The following HECW2 variants were observed in gnomAD, a reference collection of about 807,000 sequenced individuals.
The protein encoded by HECW2 is HECT, C2 and WW domain containing E3 ubiquitin protein ligase 2.
HECW2 carries 61 observed loss-of-function variants against 175.2 expected under a neutral mutation model. That is an observed-to-expected ratio of 0.35 (90% confidence interval 0.28 to 0.43). The LOEUF (loss-of-function observed/expected upper bound fraction) is 0.43. HECW2 is among the 20% of genes least tolerant of loss of function. The pLI, the probability that HECW2 is intolerant of heterozygous loss-of-function variation, is 1.00. For missense variants in HECW2, 1,524 were observed against 2,000.5 expected (o/e 0.76, Z 4.54); for synonymous variants, 671 against 731.0 (o/e 0.92, Z 1.32).
intron 21 of HECW2, among the ~76,000 whole-genome samples, 162 bp from the exon 22 acceptor site, chr2:196,228,416 CATT>C (rs1687930191): frequency 6.6e-6 from 1 of 152,180 alleles, no homozygotes; most frequent in African/African-American, 2.4e-5. Flanking sequence ...TTTCTGATCT[CATT>C]GTGTCTTGAC....
intron 1 of HECW2, among the ~76,000 whole-genome samples, chr2:196,586,319 G>C (rs1037907253): frequency 3.0e-4 from 45 of 152,210 alleles, no homozygotes; most frequent in African/African-American, 1.1e-3. Context: ...ATATGACTTA[G>C]GTATACCACT....
chr2:196,251,526 T>A (rs1041989069), intron 19 of HECW2, among the ~76,000 whole-genome samples: 1 of 152,164 alleles, frequency 6.6e-6, no homozygotes, highest in Admixed American at 6.5e-5. Context: ...CAATAAAACT[T>A]GTCCAACACC....
At chr2:196,333,503 AT>A (rs1462013147) in intron 4 of HECW2, among the ~76,000 whole-genome samples, 1 of 152,210 alleles carries the variant, frequency 6.6e-6, no homozygotes, top group Non-Finnish European at 1.5e-5. Flanking sequence ...GCATCTATAA[AT>A]GTGTATATAC....
intron 1 of HECW2, among the ~76,000 whole-genome samples, chr2:196,500,276 G>A (rs896275223): frequency 1.3e-5 from 2 of 152,078 alleles, no homozygotes; most frequent in Non-Finnish European, 1.5e-5. Flanking sequence ...TTATGGGAGG[G>A]GAGGGAAAGA....
At chr2:196,292,860 ATAAGC>A in intron 13 of HECW2, 110 bp from the exon 14 acceptor site, 1 of 830,378 alleles carries the variant, frequency 1.2e-6, no homozygotes. Flanking sequence ...AAATGCATAT[ATAAGC>A]TTTGACAGAA....
chr2:196,486,019 A>T (rs755675294), intron 1 of HECW2, among the ~76,000 whole-genome samples: 1 of 152,154 alleles, frequency 6.6e-6, no homozygotes, highest in Non-Finnish European at 1.5e-5. Context: ...ACCAATACCA[A>T]ATATGGCACC....
chr2:196,222,069 A>G, intron 24 of HECW2, 142 bp downstream of exon 24: 1 of 628,856 alleles, frequency 1.6e-6, no homozygotes, highest in South Asian at 2.7e-5. Flanking sequence ...TGCGGTTATT[A>G]TAACTGTGTG....
chr2:196,416,710 A>G (rs906793976), intron 2 of HECW2, among the ~76,000 whole-genome samples: 4 of 152,198 alleles, frequency 2.6e-5, no homozygotes, highest in East Asian at 1.9e-4. Flanking sequence ...GAAATATACA[A>G]TTCTTCCAAG....
chr2:196,357,703 G>A (rs969460409), intron 2 of HECW2, among the ~76,000 whole-genome samples: 3 of 152,160 alleles, frequency 2.0e-5, no homozygotes, highest in African/African-American at 7.2e-5. Context: ...TGGATCATGG[G>A]GGTGGTTCTC....
At chr2:196,519,189 A>T (rs1476580512) in intron 1 of HECW2, among the ~76,000 whole-genome samples, 1 of 152,214 alleles carries the variant, frequency 6.6e-6, no homozygotes, top group Non-Finnish European at 1.5e-5. Flanking sequence ...GAAGGGGCTA[A>T]GCAGCATGCC....
intron 1 of HECW2, among the ~76,000 whole-genome samples, chr2:196,516,663 C>T (rs1688160297): frequency 6.6e-6 from 1 of 152,114 alleles, no homozygotes; most frequent in Non-Finnish European, 1.5e-5. Flanking sequence ...TATTGATCTA[C>T]CCCAAACTGC....
At chr2:196,469,508 A>C (rs1697110449) in intron 1 of HECW2, among the ~76,000 whole-genome samples, 1 of 152,126 alleles carries the variant, frequency 6.6e-6, no homozygotes, top group South Asian at 2.1e-4. Flanking sequence ...CATTCTTTAT[A>C]TATCTAGAAT....
At chr2:196,571,650 G>A (rs747674607) in intron 1 of HECW2, among the ~76,000 whole-genome samples, 20 of 152,086 alleles carry the variant, frequency 1.3e-4, no homozygotes, top group Non-Finnish European at 2.2e-4. Flanking sequence ...GCAGTGAGCC[G>A]AGATCATGCT....
intron 1 of HECW2, among the ~76,000 whole-genome samples, chr2:196,446,716 C>T (rs549286512): frequency 6.6e-6 from 1 of 152,158 alleles, no homozygotes; most frequent in South Asian, 2.1e-4. Flanking sequence ...CTTACCATTA[C>T]TACAGAAATC....
chr2:196,206,076 A>G (rs1051992502), intron 28 of HECW2, among the ~76,000 whole-genome samples: 4 of 152,190 alleles, frequency 2.6e-5, no homozygotes, highest in African/African-American at 7.2e-5. Flanking sequence ...TCCATGTCCT[A>G]AGAAAACTTT....
At chr2:196,307,258 A>T in intron 11 of HECW2, 25 bp from the exon 12 acceptor site, 2 of 1,506,096 alleles carry the variant, frequency 1.3e-6, no homozygotes, top group Non-Finnish European at 1.8e-6. Context: ...CTAGAGTTAC[A>T]TTCCAGCAGC....
chr2:196,545,529 A>G (rs1689387915), intron 1 of HECW2, among the ~76,000 whole-genome samples: 1 of 152,216 alleles, frequency 6.6e-6, no homozygotes, highest in South Asian at 2.1e-4. Flanking sequence ...AGAGTTTGTA[A>G]TATGATTTGA....
chr2:196,231,710 C>T lies in HECW2; in HGVS notation c.3765-3456G>A, dbSNP rs533905175. On this transcript the variant is annotated intron_variant, in intron 21 of 28. Coordinates refer to ENST00000644978, the MANE Select transcript of HECW2 (RefSeq NM_001348768.2). ...CTTGTTAAAATATCTAGCTTATGGG[C>T]GGGGGCAGTGGCTCACGCCTGTAAT... Among the ~76,000 whole-genome samples, 31 of 152,214 alleles carry T rather than the reference C, an allele frequency of 2.0e-4. No homozygotes were observed. In the East Asian group the frequency reaches 3.3e-3, roughly 16 times the overall value.
intron 2 of HECW2, among the ~76,000 whole-genome samples, chr2:196,375,302 C>T (rs762376135): frequency 2.0e-5 from 3 of 152,118 alleles, no homozygotes; most frequent in Admixed American, 6.6e-5. Flanking sequence ...TTAAATCAAA[C>T]ATAAATATTA....
Sources: gnomAD v4.1 joint callset for allele counts (sites outside exome capture counted in the v4.1 genomes callset) on GRCh38, gnomAD v4.1.1 for gene constraint, MANE v1.5 for transcripts, NCBI Gene and HGNC (gene_info 2026-07-23, HGNC 2026-07-21) for gene names.